Variants in PCNX2 observed in about 807,000 individuals in gnomAD.
PCNX2 encodes the protein pecanex-like protein 2.
PCNX2 carries 168 observed loss-of-function variants against 223.8 expected under a neutral mutation model. The observed-to-expected ratio is 0.75, with a 90% CI of 0.66 to 0.85. The LOEUF (loss-of-function observed/expected upper bound fraction) is 0.85. PCNX2 is among the 40% of genes least tolerant of loss of function. The pLI is 0.00. For missense variants in PCNX2, 2,507 were observed against 2,675.5 expected, an observed-to-expected ratio of 0.94 and a Z score of 1.39; for synonymous variants, 1,006 against 1,052.6, an observed-to-expected ratio of 0.96 and a Z score of 0.86.
chr1:233,316,832 G>A, the PCNX2 span, among the ~76,000 whole-genome samples: 6 of 151,886 alleles, frequency 4.0e-5, no homozygotes, highest in South Asian at 6.2e-4. Flanking sequence ...TCCTCTTAAT[G>A]TTTATAAAGA....
In PCNX2 at chr1:232,999,388, CAG is replaced by C; in HGVS notation, c.5329-11_5329-10del. 6.3e-7 allele frequency: 1 copy of C among 1,582,394 alleles called. No homozygotes were observed. The highest frequency in any genetic ancestry group is 8.6e-7 in the Non-Finnish European group (1 of 1,163,656). On this transcript the variant is annotated splice_polypyrimidine_tract_variant and intron_variant, in intron 30 of 33. Coordinates refer to ENST00000258229, the MANE Select transcript of PCNX2 (RefSeq NM_014801.4). ...ACGCATTCTTTGTTAACCTGCAGGTCAGAGAGGGAACGGGAAGAAAGGCAGAA... is the reference window on the plus strand; with the variant it reads ...ACGCATTCTTTGTTAACCTGCAGGTCAGAGGGAACGGGAAGAAAGGCAGAA...
rs773152590 is a variant in PCNX2, at chr1:233,250,750, G to C, written c.2211C>G (p.Leu737=). 4 of 1,605,738 alleles carry C rather than the reference G, an allele frequency of 2.5e-6. No homozygotes were observed. The highest frequency in any genetic ancestry group is 3.4e-6 in the Non-Finnish European group (4 of 1,176,182). The change falls in exon 8 of 34, where the codon CTC becomes CTG. Residue 737 remains leucine (L), a synonymous_variant. Transcript: ENST00000258229. The part of the protein sequence containing the change: ...LQPLPSNNDC[L]SQAREMQVSS... ...AAAGCTCCACTCACCGAGCCTGAGA[G>C]AGACAGTCATTATTTGATGGTAGAG...
At chr1:233,213,218 A>G (rs1558350215) in intron 12 of PCNX2, among the ~76,000 whole-genome samples, 2 of 152,158 alleles carry the variant, frequency 1.3e-5, no homozygotes, top group South Asian at 4.1e-4. Context: ...TTTGCCAGAA[A>G]CTGTTTCCTT....
chr1:233,232,085 G>T (rs762192118), intron 9 of PCNX2, among the ~76,000 whole-genome samples: 1 of 152,184 alleles, frequency 6.6e-6, no homozygotes, highest in Non-Finnish European at 1.5e-5. Flanking sequence ...AACTTTGAGG[G>T]ATAAAACATA....
chr1:233,239,002 C>T (rs919664601), intron 8 of PCNX2, among the ~76,000 whole-genome samples: 1 of 152,296 alleles, frequency 6.6e-6, no homozygotes, highest in Admixed American at 6.5e-5. Context: ...AACTCTTCTG[C>T]GTTGTACGGA....
chr1:233,233,127 G>GC (rs1215460071), intron 9 of PCNX2, among the ~76,000 whole-genome samples: 1 of 152,088 alleles, frequency 6.6e-6, no homozygotes, highest in Non-Finnish European at 1.5e-5. Flanking sequence ...CCAGGTACTG[G>GC]CCCATAACAT....
intron 28 of PCNX2, among the ~76,000 whole-genome samples, chr1:233,006,087 T>C (rs1477223239): frequency 1.3e-5 from 2 of 151,920 alleles, no homozygotes; most frequent in Non-Finnish European, 1.5e-5. Context: ...GGTCCACACA[T>C]AGAAGACCAA....
At chr1:233,022,695 CTTTTTT>C (rs372153367) in intron 26 of PCNX2, among the ~76,000 whole-genome samples, 35 of 128,670 alleles carry the variant, frequency 2.7e-4, no homozygotes, top group Non-Finnish European at 3.9e-4. Flanking sequence ...CTTTTTCTTT[CTTTTTT>C]TTTTTTTTTT....
rs1676729653 is a variant in PCNX2 at position 233,135,104 on chromosome 1, C to T, written c.3746G>A (p.Ser1249Asn). 12 of 1,613,300 alleles carry T rather than the reference C, an allele frequency of 7.4e-6. No homozygotes were observed. The highest frequency in any genetic ancestry group is 1.0e-5 in the Non-Finnish European group (12 of 1,179,264). ...AAAGTGGAAAAAGATGACAGTGAAG[C>T]TCAAGTTAATAAACTGGTAAACCGG... ...CNPVYQFINL[S>N]FTVIFFHFDY... Residue 1249 changes from serine to asparagine, a missense_variant, in exon 21 of 34, where the codon AGC becomes AAC. Transcript: ENST00000258229.
At position 233,195,489 on chromosome 1, in the gene PCNX2, T is replaced by C. The variant is rs576420062; in HGVS notation, c.3066+3450A>G. Among the ~76,000 whole-genome samples, 14 of 152,250 alleles carry C rather than the reference T, an allele frequency of 9.2e-5. No individual in the cohort carries two copies. In the South Asian group the frequency reaches 2.9e-3, roughly 32 times the overall value. ...AAGCAAGAAAAAGAAATCAAAGGCA[T>C]ACAGGCTGGAAAGGAAAATAAAATT... On this transcript the variant is annotated intron_variant, in intron 15 of 33. Coordinates refer to ENST00000258229, the MANE Select transcript of PCNX2 (RefSeq NM_014801.4).
At chr1:233,296,393 T>G (rs980731039), upstream of PCNX2, among the ~76,000 whole-genome samples, 5 of 152,234 alleles carry the variant, frequency 3.3e-5, no homozygotes. Flanking sequence ...TTAGCCTTAG[T>G]TTTTTATCTC....
Position 233,129,044 on chromosome 1 carries a change from C to T in PCNX2, c.3837+5969G>A, listed in dbSNP as rs185462473. Among the ~76,000 whole-genome samples the T allele has an allele frequency of 4.9e-3, 744 of 152,368 alleles. 6 individuals carry two copies. The highest frequency in any genetic ancestry group is 0.017 in the African/African-American group (713 of 41,596). ...GCCATGCTTGGGGAGCCCTTCAGCCCGCCACTGCGCTGTGGGGGCCCCTCT... is the reference window on the plus strand; with the variant it reads ...GCCATGCTTGGGGAGCCCTTCAGCCTGCCACTGCGCTGTGGGGGCCCCTCT... On this transcript the variant is annotated intron_variant, in intron 21 of 33. Transcript: ENST00000258229.
intron 9 of PCNX2, among the ~76,000 whole-genome samples, chr1:233,233,266 C>T (rs1468852364): frequency 6.6e-6 from 1 of 152,148 alleles, no homozygotes; most frequent in Non-Finnish European, 1.5e-5. Flanking sequence ...ATTCATGCAA[C>T]ATTTTTAATT....
In PCNX2 at chr1:233,259,111, C is replaced by T. The variant is rs1659906706; in HGVS notation, c.751G>A (p.Gly251Arg). The T allele has an allele frequency of 2.5e-6, 4 of 1,613,842 alleles. No individual in the cohort carries two copies. Among genetic ancestry groups the T allele is most frequent in the African/African-American group, 2.7e-5 (2 of 74,886 alleles). ...HRSEGGLVDKGPLKKLPHLSL... is the reference protein window; with the variant it reads ...HRSEGGLVDKRPLKKLPHLSL... ...AGGTGGGGCAACTTCTTCAAGGGTCCCTTATCCACTAAGCCACCCTCGGAT... is the reference window on the plus strand; with the variant it reads ...AGGTGGGGCAACTTCTTCAAGGGTCTCTTATCCACTAAGCCACCCTCGGAT... The change falls in exon 5 of 34, where the codon GGA becomes AGA. Residue 251 changes from glycine (G) to arginine (R), a missense_variant. Physicochemically the swap from Gly to Arg is moderately radical, Grantham distance 125. Transcript: ENST00000258229.
At chr1:233,029,973 C>T (rs1019963232) in intron 25 of PCNX2, among the ~76,000 whole-genome samples, 34 of 151,898 alleles carry the variant, frequency 2.2e-4, no homozygotes, top group Non-Finnish European at 1.5e-4. Context: ...ATCTGTGGAT[C>T]GATATTTTTC....
In PCNX2 at chr1:232,994,637, T is replaced by A. The variant is rs149824714; in HGVS notation, c.5791+3614A>T. ...TGAGATTTAGGAGGGACTAGGGGCA[T>A]AATAATATGGTTGAGCTCTGTATCC... On this transcript the variant is annotated intron_variant, in intron 32 of 33. Transcript: ENST00000258229. Among the ~76,000 whole-genome samples the A allele has an allele frequency of 2.2e-3, 342 of 152,222 alleles. 1 individual carries two copies. The highest frequency in any genetic ancestry group is 7.7e-3 in the African/African-American group (318 of 41,540).
intron 21 of PCNX2, among the ~76,000 whole-genome samples, chr1:233,105,821 T>G (rs971777013): frequency 6.6e-6 from 1 of 152,212 alleles, no homozygotes; most frequent in African/African-American, 2.4e-5. Context: ...ATTTCATGAC[T>G]GCTAATTAGT....
chr1:233,269,706 T>C (rs1660528656), intron 1 of PCNX2, among the ~76,000 whole-genome samples: 1 of 152,314 alleles, frequency 6.6e-6, no homozygotes, highest in East Asian at 1.9e-4. Context: ...TGTGGCCTAA[T>C]AAATGAAGCA....
At position 233,001,780 on chromosome 1, in the gene PCNX2, T is replaced by G. The variant is rs758351799; in HGVS notation, c.4953-99A>C. On this transcript the variant is annotated intron_variant, in intron 28 of 33. Transcript: ENST00000258229. The surrounding 1 kb of genome is among the most constrained non-coding windows in gnomAD (Gnocchi z 4.2). Reference sequence around the variant, plus strand: ...ATTTGTCTAAGAATTATCTTAACATTTAGGCTGATATAGCAAGAAAATGAA... The same window carrying G: ...ATTTGTCTAAGAATTATCTTAACATGTAGGCTGATATAGCAAGAAAATGAA... 1 of 1,178,018 alleles carries G rather than the reference T, an allele frequency of 8.5e-7. No homozygotes were observed. Among genetic ancestry groups the G allele is most frequent in the Non-Finnish European group, 1.1e-6 (1 of 891,704 alleles). 73.0% of individuals were successfully genotyped at this position (1,178,018 alleles called of 1,614,324 possible).
Sources: allele counts gnomAD v4.1 joint callset (sites outside exome capture counted in the v4.1 genomes callset), GRCh38; gene constraint gnomAD v4.1.1; non-coding constraint Gnocchi (gnomAD v3.1); transcripts MANE v1.5; gene names NCBI Gene and HGNC (gene_info 2026-07-23, HGNC 2026-07-21).